LY75: variants seen among roughly 807,000 people sequenced by gnomAD.
The protein encoded by LY75 is lymphocyte antigen 75, also known as C-type lectin domain family 13 member B.
LY75 carries 185 observed loss-of-function variants against 231.7 expected under a neutral mutation model. The observed-to-expected ratio is 0.80, with a 90% CI of 0.71 to 0.90. LY75 has a LOEUF of 0.90. Ranked by LOEUF, LY75 falls within the 40% of genes least tolerant of loss-of-function variation. The pLI, the probability that LY75 is intolerant of heterozygous loss-of-function variation, is 0.00. For synonymous variants in LY75, 668 were observed against 689.0 expected, an observed-to-expected ratio of 0.97 and a Z score of 0.48; for missense variants, 1,947 against 2,050.2, an observed-to-expected ratio of 0.95 and a Z score of 0.97.
intron 5 of LY75, among the ~76,000 whole-genome samples, 193 bp downstream of exon 5, chr2:159,886,227 G>T (rs1228867493): frequency 6.6e-6 from 1 of 152,144 alleles, no homozygotes; most frequent in Non-Finnish European, 1.5e-5. Flanking sequence ...ATGCTCAGTT[G>T]TCCATGGTGT....
At chr2:159,861,644 A>G (rs963387929) in intron 14 of LY75, among the ~76,000 whole-genome samples, 2 of 152,106 alleles carry the variant, frequency 1.3e-5, no homozygotes, top group East Asian at 3.9e-4. Flanking sequence ...AGGCTGAGAC[A>G]TGAGGATCAA....
At chr2:159,879,661 G>T (rs994900105) in intron 8 of LY75, among the ~76,000 whole-genome samples, 1 of 152,078 alleles carries the variant, frequency 6.6e-6, no homozygotes, top group Admixed American at 6.6e-5. Context: ...GAAGAGAGAA[G>T]AACTCAGCCC....
intron 28 of LY75, among the ~76,000 whole-genome samples, chr2:159,822,578 G>A (rs573330589): frequency 2.1e-4 from 32 of 152,344 alleles, no homozygotes; most frequent in African/African-American, 7.7e-4. Context: ...TGATGGCTCT[G>A]AAGAGAGCAG....
In LY75 at chr2:159,819,873, A is replaced by G. The variant is rs1488495537; in HGVS notation, c.4006T>C (p.Trp1336Arg). 1 of 1,614,064 alleles carries G rather than the reference A, an allele frequency of 6.2e-7. No individual in the cohort carries two copies. The highest frequency in any genetic ancestry group is 1.7e-5 in the Admixed American group (1 of 60,032). ...TTTATAGTTGGTCTTCCTGCTCTCC[A>G]ATGTGTATATGACAGTGGGGTCTTA... ...FDKTPLSYTHWRAGRPTIKNE... is the reference protein window; with the variant it reads ...FDKTPLSYTHRRAGRPTIKNE... Residue 1336 changes from tryptophan (W) to arginine (R), a missense_variant, in exon 29 of 35, where the codon TGG becomes CGG. Coordinates refer to ENST00000263636, the MANE Select transcript of LY75 (RefSeq NM_002349.4).
At chr2:159,808,767 C>T (rs1549577) in intron 32 of LY75, among the ~76,000 whole-genome samples, 196 bp from the exon 33 acceptor site, 105,033 of 152,026 alleles carry the variant, frequency 0.69, 37,090 homozygotes, top group Non-Finnish European at 0.76. Context: ...CTTCCAAACA[C>T]GTATAAAGAA....
At chr2:159,871,842 T>C (rs961275527) in intron 13 of LY75, 6 of 152,442 alleles carry the variant, frequency 3.9e-5, no homozygotes, top group Admixed American at 3.3e-4. Flanking sequence ...TGTGTAGATA[T>C]AAATACACAC....
At chr2:159,852,709 G>A (rs1352220450) in intron 20 of LY75, among the ~76,000 whole-genome samples, 6 of 152,258 alleles carry the variant, frequency 3.9e-5, no homozygotes, top group South Asian at 4.2e-4. Flanking sequence ...ATGAGCCACC[G>A]TGCCCGGCCA....
chr2:159,822,807 G>A (rs553011146), intron 28 of LY75, among the ~76,000 whole-genome samples: 3 of 152,158 alleles, frequency 2.0e-5, no homozygotes, highest in Admixed American at 6.5e-5. Context: ...TGCAGCCTCC[G>A]TGGGTGATAA....
intron 4 of LY75, among the ~76,000 whole-genome samples, chr2:159,889,435 C>T (rs1490610268): frequency 6.6e-6 from 1 of 152,012 alleles, no homozygotes; most frequent in Non-Finnish European, 1.5e-5. Context: ...CTCACTTTGC[C>T]CAGGCTGGTT....
chr2:159,871,106 T>C (rs1685001124), intron 13 of LY75, among the ~76,000 whole-genome samples: 1 of 152,194 alleles, frequency 6.6e-6, no homozygotes, highest in Non-Finnish European at 1.5e-5. Context: ...AAGTGTGATA[T>C]GGCTATTAAT....
chr2:159,869,404 G>T (rs1292790598), intron 13 of LY75, among the ~76,000 whole-genome samples: 2 of 152,134 alleles, frequency 1.3e-5, no homozygotes, highest in African/African-American at 4.8e-5. Flanking sequence ...TGAGCAGAAT[G>T]AATGTGAGAA....
chr2:159,880,795 C>T (rs987585951), intron 8 of LY75, among the ~76,000 whole-genome samples: 40 of 152,112 alleles, frequency 2.6e-4, no homozygotes, highest in Admixed American at 1.3e-4. Context: ...AACCTAGATC[C>T]CTTGCATGTG....
intron 3 of LY75, among the ~76,000 whole-genome samples, chr2:159,890,927 T>C (rs1297216216): frequency 6.6e-6 from 1 of 152,230 alleles, no homozygotes; most frequent in Non-Finnish European, 1.5e-5. Context: ...TACATATGCA[T>C]TATATATGTA....
chr2:159,841,202 A>C (rs1684016259), intron 24 of LY75, among the ~76,000 whole-genome samples: 1 of 152,242 alleles, frequency 6.6e-6, no homozygotes, highest in South Asian at 2.1e-4. Context: ...TATGAAGAGA[A>C]TATCTGCAAA....
chr2:159,873,656 G>C (rs1685085237), intron 12 of LY75, among the ~76,000 whole-genome samples: 1 of 150,960 alleles, frequency 6.6e-6, no homozygotes, highest in Admixed American at 6.7e-5. Context: ...GGCATCTAGT[G>C]GTTTGTTTAT....
At chr2:159,829,221 A>G (rs1010254056) in intron 28 of LY75, among the ~76,000 whole-genome samples, 1 of 152,218 alleles carries the variant, frequency 6.6e-6, no homozygotes, top group Non-Finnish European at 1.5e-5. Context: ...GCCTGCAGCA[A>G]TGACACATTA....
rs1683133121 is a variant in LY75, at chr2:159,816,876, C to G, written c.4310G>C (p.Gly1437Ala). ...GHLASVHNQN[G>A]QLFLEDIVKR... is the part of the protein sequence containing the mutation. Reference sequence around the variant, plus strand: ...TACAATATCTTCCAGAAAGAGCTGGCCATTTTGGTTGTGAACGCTTGCCAA... The same window carrying G: ...TACAATATCTTCCAGAAAGAGCTGGGCATTTTGGTTGTGAACGCTTGCCAA... The change falls in exon 30 of 35, where the codon GGC becomes GCC. Residue 1437 changes from glycine (G) to alanine (A), a missense_variant. Gly to Ala is a moderately conservative substitution (Grantham distance 60). Coordinates refer to ENST00000263636, the MANE Select transcript of LY75 (RefSeq NM_002349.4). 6.2e-7 allele frequency: 1 copy of G among 1,614,154 alleles called. No homozygotes were observed. The highest frequency in any genetic ancestry group is 8.5e-7 in the Non-Finnish European group (1 of 1,180,026).
intron 8 of LY75, among the ~76,000 whole-genome samples, chr2:159,880,632 C>T (rs1435485840): frequency 6.6e-6 from 1 of 152,144 alleles, no homozygotes; most frequent in East Asian, 1.9e-4. Context: ...TTTTATTTAC[C>T]TTTTTAAAGT....
rs748956983 is a variant in LY75 at position 159,898,881 on chromosome 2, C to T, written c.273G>A (p.Ser91=). 4.3e-6 allele frequency: 7 copies of T among 1,614,002 alleles called. No homozygotes were observed. The highest frequency in any genetic ancestry group is 1.6e-4 in the Middle Eastern group (1 of 6,084). The change falls in exon 2 of 35, where the codon TCG becomes TCA. Residue 91 remains serine, a synonymous_variant. Coordinates refer to ENST00000263636, the MANE Select transcript of LY75 (RefSeq NM_002349.4). The part of the protein sequence containing the change: ...QKCLGLDITK[S]VNELRMFSCD... ...AGCTGAACATTCTCAGCTCATTTAC[C>T]GATTTGGTAATATCGAGGCCAAGGC...
Sources: allele counts gnomAD v4.1 joint callset (sites outside exome capture counted in the v4.1 genomes callset), GRCh38; gene constraint gnomAD v4.1.1; transcripts MANE v1.5; gene names NCBI Gene and HGNC (gene_info 2026-07-23, HGNC 2026-07-21).